Variants in PDE4D observed in about 807,000 individuals in gnomAD.
The protein encoded by PDE4D is 3',5'-cyclic-AMP phosphodiesterase 4D.
A neutral mutation model predicts 87.4 loss-of-function variants in PDE4D; 24 were observed. The ratio of observed to expected loss-of-function variants is 0.27; its 90% confidence interval spans 0.20 to 0.39. The LOEUF is 0.39. Ranked by LOEUF, PDE4D falls within the 10% of genes least tolerant of loss-of-function variation. PDE4D has a pLI of 1.00. For missense variants in PDE4D, 714 were observed against 1,041.0 expected (o/e 0.69, Z 4.32); for synonymous variants, 384 against 383.2 (o/e 1.00, Z -0.02).
At chr5:59,161,325 A>C (rs1245570848) in intron 5 of PDE4D, among the ~76,000 whole-genome samples, 1 of 152,218 alleles carries the variant, frequency 6.6e-6, no homozygotes, top group Non-Finnish European at 1.5e-5. Flanking sequence ...TAAGATTTAC[A>C]CTGGTTCTAT....
chr5:60,141,818 T>C (rs947317298), intron 2 of PDE4D, among the ~76,000 whole-genome samples: 4 of 152,160 alleles, frequency 2.6e-5, no homozygotes, highest in African/African-American at 4.8e-5. Flanking sequence ...AGGCCTTGGT[T>C]TGAATCCTTA....
intron 1 of PDE4D, among the ~76,000 whole-genome samples, chr5:59,244,012 A>G (rs1758252288): frequency 2.0e-5 from 3 of 152,178 alleles, no homozygotes; most frequent in Admixed American, 1.3e-4. Context: ...TGAATAAATC[A>G]TTTTATTACA....
chr5:59,282,643 CAAAAAAAAAAAAAA>C (rs60262509), intron 1 of PDE4D, among the ~76,000 whole-genome samples: 1 of 38,858 alleles, frequency 2.6e-5, no homozygotes, highest in African/African-American at 1.1e-4. Flanking sequence ...AACTCCAGCT[CAAAAAAAAAAAAAA>C]AAAAAAAAAA....
intron 2 of PDE4D, among the ~76,000 whole-genome samples, chr5:59,214,801 T>C (rs187273274): frequency 6.6e-6 from 1 of 152,264 alleles, no homozygotes; most frequent in East Asian, 1.9e-4. Flanking sequence ...ATGAGTGAAA[T>C]ATAATTTCAT....
At chr5:59,275,906 C>T in intron 1 of PDE4D, 4 of 985,286 alleles carry the variant, frequency 4.1e-6, no homozygotes, top group Non-Finnish European at 4.8e-6. Flanking sequence ...CACTCCTCTC[C>T]GTGGAGCAAA....
intron 6 of PDE4D, among the ~76,000 whole-genome samples, chr5:59,016,359 T>G (rs1034123552): frequency 6.6e-6 from 1 of 151,804 alleles, no homozygotes; most frequent in Non-Finnish European, 1.5e-5. Flanking sequence ...CAGTTTTTTT[T>G]TTTTTCTGAG....
At chr5:59,211,526 G>A (rs1257312845) in intron 2 of PDE4D, among the ~76,000 whole-genome samples, 1 of 152,044 alleles carries the variant, frequency 6.6e-6, no homozygotes, top group African/African-American at 2.4e-5. Context: ...TTTTGCTGTA[G>A]TAGTATAAAG....
At chr5:60,234,309 C>T (rs369382706) in intron 1 of PDE4D, among the ~76,000 whole-genome samples, 2 of 151,674 alleles carry the variant, frequency 1.3e-5, no homozygotes, top group East Asian at 1.9e-4. Context: ...AATACCTCAC[C>T]GTATGGATAT....
intron 1 of PDE4D, among the ~76,000 whole-genome samples, chr5:59,571,821 T>C (rs1316624769): frequency 6.6e-6 from 1 of 152,234 alleles, no homozygotes; most frequent in Non-Finnish European, 1.5e-5. Context: ...TTTGTTGTTT[T>C]GTTTTATGAT....
At chr5:60,311,196 G>C (rs780259367) in intron 1 of PDE4D, among the ~76,000 whole-genome samples, 1 of 129,058 alleles carries the variant, frequency 7.7e-6, no homozygotes, top group African/African-American at 5.1e-5. Flanking sequence ...TTGTATTTTT[G>C]TATTTCGTAG....
intron 2 of PDE4D, among the ~76,000 whole-genome samples, chr5:60,025,940 C>A (rs1349025217): frequency 6.6e-6 from 1 of 152,068 alleles, no homozygotes; most frequent in Non-Finnish European, 1.5e-5. Flanking sequence ...TTATACTTAA[C>A]AACAAATTGT....
chr5:59,555,599 A>G (rs775460550), intron 1 of PDE4D, among the ~76,000 whole-genome samples: 14 of 152,272 alleles, frequency 9.2e-5, no homozygotes, highest in Non-Finnish European at 1.5e-4. Context: ...GGCAATAAGT[A>G]TAACTCTTTT....
At chr5:60,249,339 C>T (rs1349700022) in intron 1 of PDE4D, among the ~76,000 whole-genome samples, 1 of 152,070 alleles carries the variant, frequency 6.6e-6, no homozygotes, top group African/African-American at 2.4e-5. Context: ...TCAGCAATGT[C>T]AGCATCATGT....
intron 1 of PDE4D, chr5:60,459,944 A>G: frequency 1.4e-6 from 1 of 732,724 alleles, no homozygotes. Context: ...GTATCTTTTT[A>G]TCCTTCCTCC....
At chr5:60,231,348 G>C (rs1051545727) in intron 1 of PDE4D, among the ~76,000 whole-genome samples, 3 of 151,916 alleles carry the variant, frequency 2.0e-5, no homozygotes, top group East Asian at 1.9e-4. Flanking sequence ...GTTCTATTGA[G>C]GTTGCTGAAA....
chr5:59,037,099 C>T (rs923677191), intron 6 of PDE4D, among the ~76,000 whole-genome samples: 4 of 152,060 alleles, frequency 2.6e-5, no homozygotes, highest in Admixed American at 1.3e-4. Flanking sequence ...TAAATCTTAA[C>T]GTATAGATTA....
At position 60,078,451 on chromosome 5, in the gene PDE4D, C is replaced by T. The variant is rs536166641; in HGVS notation, c.43-89734G>A. Among the ~76,000 whole-genome samples, 10 of 151,886 alleles carry T rather than the reference C, an allele frequency of 6.6e-5. No individual in the cohort carries two copies. The South Asian group carries it at 2.1e-3, about 32-fold the overall frequency. Reference sequence around the variant, plus strand: ...TCTTGTAAAAAAAACGGGATATATGCTCAGAACATACAGGTTTGTTACATA... The same window carrying T: ...TCTTGTAAAAAAAACGGGATATATGTTCAGAACATACAGGTTTGTTACATA... On this transcript the variant is annotated intron_variant, in intron 2 of 16. Coordinates refer to the PDE4D transcript ENST00000502484.
chr5:60,015,097 T>C (rs1240603056), intron 2 of PDE4D, among the ~76,000 whole-genome samples: 1 of 152,218 alleles, frequency 6.6e-6, no homozygotes, highest in Non-Finnish European at 1.5e-5. Flanking sequence ...CATCAATGTA[T>C]GTTGCAGGGA....
At chr5:59,882,905 G>A (rs1749659448) in intron 1 of PDE4D, among the ~76,000 whole-genome samples, 2 of 152,012 alleles carry the variant, frequency 1.3e-5, no homozygotes, top group South Asian at 4.1e-4. Context: ...AGCCTCTTGA[G>A]TAGCTGGGAT....
Sources: allele counts gnomAD v4.1 joint callset (sites outside exome capture counted in the v4.1 genomes callset), GRCh38; gene constraint gnomAD v4.1.1; transcripts MANE v1.5; gene names NCBI Gene and HGNC (gene_info 2026-07-23, HGNC 2026-07-21).